The following SLC8A2 variants were observed in gnomAD, a reference collection of about 807,000 sequenced individuals.
SLC8A2 encodes the protein solute carrier family 8 member A2.
A neutral mutation model predicts 70.2 loss-of-function variants in SLC8A2; 14 were observed. The ratio of observed to expected loss-of-function variants is 0.20; its 90% CI spans 0.13 to 0.31. The LOEUF (loss-of-function observed/expected upper bound fraction) is 0.31. Ranked by LOEUF, SLC8A2 falls within the 10% of genes least tolerant of loss-of-function variation. SLC8A2 has a pLI of 1.00. For missense variants in SLC8A2, 779 were observed against 1,320.1 expected, an observed-to-expected ratio of 0.59 and a Z score of 6.35; for synonymous variants, 575 against 594.3, an observed-to-expected ratio of 0.97 and a Z score of 0.47.
chr19:47,437,428 C>CTT (rs1967043750), intron 8 of SLC8A2, 34 bp downstream of exon 8: 2 of 1,359,786 alleles, frequency 1.5e-6, no homozygotes, highest in Admixed American at 3.4e-5. Flanking sequence ...GTCTCTCCAT[C>CTT]TTTCTCTCTT....
rs192514518 is a variant in SLC8A2 at position 47,448,526 on chromosome 19, G to A, written c.1341-295C>T. On this transcript the variant is annotated intron_variant, in intron 3 of 9. Coordinates refer to ENST00000236877, the MANE Select transcript of SLC8A2 (RefSeq NM_015063.3). This position sits in a 1 kb window ranked among gnomAD's most constrained non-coding sequence, Gnocchi z 4.8. ...AATGATAAGGTTGAGATCAGGGCAG[G>A]CTTCCTGGAGGAGGCATTAGCAGGT... Among the ~76,000 whole-genome samples the A allele has an allele frequency of 3.3e-5, 5 of 152,296 alleles. No homozygotes were observed. Among genetic ancestry groups the A allele is most frequent in the Admixed American group, 3.3e-4 (5 of 15,300 alleles).
intron 6 of SLC8A2, 116 bp downstream of exon 6, chr19:47,441,053 C>T: frequency 1.1e-6 from 1 of 933,610 alleles, no homozygotes; most frequent in Non-Finnish European, 1.7e-6. Flanking sequence ...GCCTTTATCT[C>T]ACCTCCAATC....
At chr19:47,464,746 G>A (rs1317384165) in intron 2 of SLC8A2, among the ~76,000 whole-genome samples, 2 of 152,154 alleles carry the variant, frequency 1.3e-5, no homozygotes, top group Non-Finnish European at 2.9e-5. Flanking sequence ...ATGAATCCTG[G>A]ACACCTGCAA....
At chr19:47,469,350 CAG>C (rs555057608) in intron 1 of SLC8A2, among the ~76,000 whole-genome samples, 10 of 152,152 alleles carry the variant, frequency 6.6e-5, no homozygotes, top group Non-Finnish European at 1.0e-4. Context: ...TCAGGAGAAA[CAG>C]GGGCCAGCCG....
rs1047306098 is a variant in SLC8A2 at position 47,429,951 on chromosome 19, G to C, written c.*138C>G. 6.2e-6 allele frequency: 5 copies of C among 812,308 alleles called. No individual in the cohort carries two copies. The highest frequency in any genetic ancestry group is 1.8e-5 in the South Asian group (1 of 55,366). The allele number at this position is 812,308 out of a possible 1,614,324, so 50.3% of individuals were successfully genotyped here. ...ACAGAACAGGGCAATCAAAGCCAGG[G>C]GAGGGGGCGGAGAAGGGAGGCCGAG... On this transcript the variant is annotated 3_prime_UTR_variant, in exon 10 of 10. Coordinates refer to ENST00000236877, the MANE Select transcript of SLC8A2 (RefSeq NM_015063.3).
rs1967443730 is a variant in SLC8A2, at chr19:47,465,322, G to T, written c.675+407C>A. Among the ~76,000 whole-genome samples the T allele has an allele frequency of 6.6e-6, 1 of 152,194 alleles. No individual in the cohort carries two copies. Among genetic ancestry groups the T allele is most frequent in the African/African-American group, 2.4e-5 (1 of 41,454 alleles). ...GGGAATCAGTTATGCAAAAGGTAGG[G>T]AGTGTAGGAAAACATGTGAACATAC... is the stretch of plus-strand genomic sequence containing the variant. On this transcript the variant is annotated intron_variant, in intron 2 of 9. Transcript: ENST00000236877. This position sits in a 1 kb window ranked among gnomAD's most constrained non-coding sequence, Gnocchi z 5.5.
intron 8 of SLC8A2, among the ~76,000 whole-genome samples, chr19:47,434,702 C>T (rs989784324): frequency 6.6e-5 from 10 of 152,108 alleles, no homozygotes; most frequent in South Asian, 6.2e-4. Flanking sequence ...AAAAGCTCTG[C>T]GACAAGATGG....
At chr19:47,435,226 G>T (rs1334710154) in intron 8 of SLC8A2, among the ~76,000 whole-genome samples, 1 of 151,674 alleles carries the variant, frequency 6.6e-6, no homozygotes, top group East Asian at 1.9e-4. Flanking sequence ...AAAAAAAAAA[G>T]ACATGATAGG....
intron 1 of SLC8A2, among the ~76,000 whole-genome samples, chr19:47,469,119 C>CGTGT (rs10670696): frequency 0.081 from 11,574 of 143,130 alleles, 550 homozygotes; most frequent in Middle Eastern, 0.15. Context: ...TGCCTGTGTG[C>CGTGT]GTGTGTGTGT....
intron 1 of SLC8A2, among the ~76,000 whole-genome samples, chr19:47,469,880 G>A (rs993672988): frequency 1.3e-5 from 2 of 152,190 alleles, no homozygotes; most frequent in African/African-American, 2.4e-5. Context: ...CAGCTGGGTC[G>A]GCAGTGAGCA....
At chr19:47,462,200 T>C (rs1477262012) in intron 2 of SLC8A2, among the ~76,000 whole-genome samples, 2 of 152,258 alleles carry the variant, frequency 1.3e-5, no homozygotes, top group Non-Finnish European at 2.9e-5. Flanking sequence ...GTGAAAACAC[T>C]GTTTATGATA....
In SLC8A2 at chr19:47,470,345, T is replaced by TACACA. The variant is rs57212266; in HGVS notation, c.-17+1443_-17+1444insTGTGT. On this transcript the variant is annotated intron_variant, in intron 1 of 9. Transcript: ENST00000236877. ...GACCTCACCTGCAGCCAGGGAGACA[T>TACACA]CATACACACACACACACACACACAC... Among the ~76,000 whole-genome samples, 57 of 109,140 alleles carry TACACA rather than the reference T, an allele frequency of 5.2e-4. 1 individual carries two copies. Among genetic ancestry groups the TACACA allele is most frequent in the African/African-American group, 1.7e-3 (56 of 33,254 alleles). The allele number at this position is 109,140 out of a possible 152,430, so 71.6% of individuals were successfully genotyped here.
chr19:47,466,361 C>A lies in SLC8A2; in HGVS notation c.43G>T (p.Ala15Ser), dbSNP rs763555126. The A allele has an allele frequency of 2.1e-6, 3 of 1,446,066 alleles. No homozygotes were observed. The highest frequency in any genetic ancestry group is 1.4e-5 in the South Asian group (1 of 69,804). 89.6% of individuals were successfully genotyped at this position (1,446,066 alleles called of 1,614,324 possible). A position where few individuals can be genotyped will look rare whatever the true frequency, so the allele number is the denominator to read the frequency against. The stretch of plus-strand genomic sequence containing the variant: ...GTGGCTGCCCCGGAGCATGGGGGAG[C>A]CGCCAGGAGGAGTGTGACCCCCACC... ...ALVGVTLLLA[A>S]PPCSGAATPT... The change falls in exon 2 of 10, where the codon GCT becomes TCT. Residue 15 changes from alanine (A) to serine (S), a missense_variant. Physicochemically the swap from Ala to Ser is moderately conservative, Grantham distance 99. Coordinates refer to ENST00000236877, the MANE Select transcript of SLC8A2 (RefSeq NM_015063.3). This position sits in a 1 kb window ranked among gnomAD's most constrained non-coding sequence, Gnocchi z 6.9.
At position 47,466,804 on chromosome 19, in the gene SLC8A2, C is replaced by T. The variant is rs1420334894; in HGVS notation, c.-16-385G>A. On this transcript the variant is annotated intron_variant, in intron 1 of 9. Transcript: ENST00000236877. The surrounding 1 kb of genome is among the most constrained non-coding windows in gnomAD (Gnocchi z 6.9). ...CATAGCAGGCCGGGTGCGGTGGCTA[C>T]GCCTGTAATCCCTGAACTTTGGGAG... Among the ~76,000 whole-genome samples the T allele has an allele frequency of 6.6e-6, 1 of 152,252 alleles. No homozygotes were observed. Among genetic ancestry groups the T allele is most frequent in the African/African-American group, 2.4e-5 (1 of 41,534 alleles).
intron 2 of SLC8A2, among the ~76,000 whole-genome samples, chr19:47,460,149 C>A (rs144851713): frequency 6.6e-6 from 1 of 152,298 alleles, no homozygotes; most frequent in Non-Finnish European, 1.5e-5. Flanking sequence ...CCAGTGCCTC[C>A]TTAGCATTTG....
intron 8 of SLC8A2, among the ~76,000 whole-genome samples, chr19:47,436,050 C>T (rs937167283): frequency 1.3e-5 from 2 of 152,180 alleles, no homozygotes; most frequent in African/African-American, 2.4e-5. Flanking sequence ...ACCTCTTCCT[C>T]CCGCCCAACA....
intron 4 of SLC8A2, among the ~76,000 whole-genome samples, chr19:47,441,702 T>C (rs1184582572): frequency 2.0e-5 from 3 of 152,192 alleles, no homozygotes; most frequent in Non-Finnish European, 4.4e-5. Context: ...ATGCCTCTTA[T>C]CCCAGAACTT....
intron 3 of SLC8A2, among the ~76,000 whole-genome samples, chr19:47,455,424 T>TAAACATAGGAA (rs1234176960): frequency 6.6e-6 from 1 of 152,212 alleles, no homozygotes; most frequent in African/African-American, 2.4e-5. Flanking sequence ...ATGTAATCAG[T>TAAACATAGGAA]GTTTACTTCC....
At chr19:47,451,630 CAATT>C (rs1373705065) in intron 3 of SLC8A2, among the ~76,000 whole-genome samples, 8 of 152,194 alleles carry the variant, frequency 5.3e-5, no homozygotes, top group Non-Finnish European at 1.0e-4. Flanking sequence ...CTTTGCCAAA[CAATT>C]AATCCAAAGA....
Sources: gnomAD v4.1 joint callset for allele counts (sites outside exome capture counted in the v4.1 genomes callset) on GRCh38, gnomAD v4.1.1 for gene constraint, Gnocchi (gnomAD v3.1) non-coding constraint, MANE v1.5 for transcripts, NCBI Gene and HGNC (gene_info 2026-07-23, HGNC 2026-07-21) for gene names.